The following PRKCB variants were observed in gnomAD, a reference collection of about 807,000 sequenced individuals.
The protein encoded by PRKCB is protein kinase C beta type.
A neutral mutation model predicts 81.5 loss-of-function variants in PRKCB; 13 were observed. That is an observed-to-expected ratio of 0.16 (90% CI 0.10 to 0.25). The LOEUF is 0.25. Ranked by LOEUF, PRKCB falls within the 10% of genes least tolerant of loss-of-function variation. The pLI is 1.00. For missense variants in PRKCB, 509 were observed against 875.7 expected (o/e 0.58, Z 5.29); for synonymous variants, 335 against 321.4 (o/e 1.04, Z -0.45).
intron 5 of PRKCB, among the ~76,000 whole-genome samples, chr16:24,086,486 C>T (rs902086751): frequency 3.9e-5 from 6 of 152,134 alleles, no homozygotes; most frequent in Non-Finnish European, 5.9e-5. Context: ...TTATTCACCA[C>T]GGAGCTCATT....
intron 2 of PRKCB, among the ~76,000 whole-genome samples, chr16:23,909,983 A>G (rs1166302789): frequency 2.6e-5 from 4 of 152,116 alleles, no homozygotes; most frequent in Non-Finnish European, 5.9e-5. Context: ...CAACCAATTA[A>G]TCTGTAGAGG....
Position 23,851,608 on chromosome 16 carries a change from A to G in PRKCB, c.205+14202A>G, listed in dbSNP as rs1044059734. ...TATGAACTTAGGGATTGTTTTTTCT[A>G]TTTCTGTGAAAAATGACATTGGAAT... On this transcript the variant is annotated intron_variant, in intron 2 of 16. Coordinates refer to ENST00000643927, the MANE Select transcript of PRKCB (RefSeq NM_002738.7). Among the ~76,000 whole-genome samples, 5 of 152,032 alleles carry G rather than the reference A, an allele frequency of 3.3e-5. No homozygotes were observed. In the South Asian group the frequency reaches 1.0e-3, roughly 31 times the overall value.
chr16:23,982,334 TTTCCCTTTCCC>T (rs1964749042), intron 2 of PRKCB, among the ~76,000 whole-genome samples: 1 of 57,672 alleles, frequency 1.7e-5, no homozygotes. Context: ...TCCCCTTCCC[TTTCCCTTTCCC>T]TTCCCTTTCC....
At chr16:23,970,418 T>G (rs1332193636) in intron 2 of PRKCB, among the ~76,000 whole-genome samples, 1 of 152,216 alleles carries the variant, frequency 6.6e-6, no homozygotes, top group African/African-American at 2.4e-5. Flanking sequence ...TGAGGTGGGT[T>G]GGTGCCACCT....
At chr16:23,928,266 T>C (rs1454691058) in intron 2 of PRKCB, among the ~76,000 whole-genome samples, 1 of 151,774 alleles carries the variant, frequency 6.6e-6, no homozygotes, top group African/African-American at 2.4e-5. Context: ...GCTGGGATTA[T>C]AGATGCCCAC....
intron 7 of PRKCB, among the ~76,000 whole-genome samples, chr16:24,104,785 GA>G (rs1438440114): frequency 6.6e-6 from 1 of 152,178 alleles, no homozygotes; most frequent in African/African-American, 2.4e-5. Context: ...CCTGTAGCTG[GA>G]GCTGGATCCA....
At chr16:23,932,616 T>A (rs10153172) in intron 2 of PRKCB, among the ~76,000 whole-genome samples, 3,305 of 152,230 alleles carry the variant, frequency 0.022, 131 homozygotes, top group African/African-American at 0.075. Flanking sequence ...ATCAGGCATC[T>A]CAGGAATCAT....
chr16:23,898,810 G>A (rs559868014), intron 2 of PRKCB, among the ~76,000 whole-genome samples: 1 of 152,270 alleles, frequency 6.6e-6, no homozygotes, highest in South Asian at 2.1e-4. Flanking sequence ...ATTTGCCAGG[G>A]ACCATGCGAT....
chr16:24,063,297 CTT>C (rs960862923), intron 5 of PRKCB, among the ~76,000 whole-genome samples: 8 of 142,352 alleles, frequency 5.6e-5, no homozygotes, highest in Non-Finnish European at 7.7e-5. Context: ...TCCTGATACA[CTT>C]TTTTTTTTTT....
intron 2 of PRKCB, among the ~76,000 whole-genome samples, chr16:23,892,144 G>C (rs896409609): frequency 6.6e-6 from 1 of 152,196 alleles, no homozygotes; most frequent in African/African-American, 2.4e-5. Context: ...AGATGTACCT[G>C]TTACTGGGAG....
chr16:24,182,873 T>TGTGTGTGTGTGTGTGTGTGTGTGTGTGTG (rs1555501178), intron 13 of PRKCB, among the ~76,000 whole-genome samples: 20 of 133,520 alleles, frequency 1.5e-4, no homozygotes, highest in African/African-American at 5.8e-4. Flanking sequence ...ACATTGTTTC[T>TGTGTGTGTGTGTGTGTGTGTGTGTGTGTG]TGTGTGTGTG....
chr16:24,005,197 G>A lies in PRKCB; in HGVS notation c.288+16607G>A, dbSNP rs145640941. Among the ~76,000 whole-genome samples, 548 of 149,498 alleles carry A rather than the reference G, an allele frequency of 3.7e-3. 4 individuals carry two copies. The highest frequency in any genetic ancestry group is 0.013 in the African/African-American group (537 of 40,504). ...ACAGTGATTAAAATGCCATTGGCCT[G>A]GAAATGCAGTCATAATATATTGCTA... is the stretch of plus-strand genomic sequence containing the variant. On this transcript the variant is annotated intron_variant, in intron 3 of 16. Transcript: ENST00000643927.
chr16:23,984,933 G>T (rs1220234879), intron 2 of PRKCB, among the ~76,000 whole-genome samples: 2 of 152,132 alleles, frequency 1.3e-5, no homozygotes, highest in Non-Finnish European at 2.9e-5. Context: ...AGGGGGAAAA[G>T]AGAGAATAAT....
At chr16:23,898,248 G>A (rs1219091351) in intron 2 of PRKCB, among the ~76,000 whole-genome samples, 2 of 152,074 alleles carry the variant, frequency 1.3e-5, no homozygotes, top group African/African-American at 4.8e-5. Context: ...TGTATTTTTA[G>A]TAGAGACAGG....
intron 7 of PRKCB, among the ~76,000 whole-genome samples, chr16:24,094,795 T>TGAAG (rs1337840881): frequency 1.1e-5 from 1 of 90,842 alleles, no homozygotes; most frequent in Non-Finnish European, 2.2e-5. Flanking sequence ...AGAGAAGGAA[T>TGAAG]GAAGGAAGGG....
chr16:24,136,863 T>C (rs1014942872), intron 9 of PRKCB, among the ~76,000 whole-genome samples: 1 of 152,044 alleles, frequency 6.6e-6, no homozygotes, highest in African/African-American at 2.4e-5. Flanking sequence ...TTTTTTATTT[T>C]AATTTTTTTA....
chr16:23,859,056 G>A (rs1247068218), intron 2 of PRKCB, among the ~76,000 whole-genome samples: 2 of 152,166 alleles, frequency 1.3e-5, no homozygotes, highest in African/African-American at 4.8e-5. Context: ...CCTTGAGCTT[G>A]TGAGGGTTGA....
At chr16:24,138,610 G>C (rs1488474542) in intron 9 of PRKCB, among the ~76,000 whole-genome samples, 3 of 151,768 alleles carry the variant, frequency 2.0e-5, no homozygotes, top group African/African-American at 4.8e-5. Flanking sequence ...AGAACACTTG[G>C]GATCTCCTCC....
chr16:24,134,005 C>G (rs1966857635), intron 9 of PRKCB, among the ~76,000 whole-genome samples: 1 of 151,796 alleles, frequency 6.6e-6, no homozygotes, highest in Non-Finnish European at 1.5e-5. Context: ...AAGCAATCCT[C>G]CCATCTCAGT....
Sources: gnomAD v4.1 joint callset for allele counts (sites outside exome capture counted in the v4.1 genomes callset) on GRCh38, gnomAD v4.1.1 for gene constraint, MANE v1.5 for transcripts, NCBI Gene and HGNC (gene_info 2026-07-23, HGNC 2026-07-21) for gene names.